Variants in ADAMTSL1 observed in about 807,000 individuals in gnomAD.
ADAMTSL1 encodes the protein ADAMTS-like protein 1.
A neutral mutation model predicts 201.8 loss-of-function variants in ADAMTSL1; 126 were observed. That is an observed-to-expected ratio of 0.62 (90% CI 0.54 to 0.72). The LOEUF (loss-of-function observed/expected upper bound fraction) is 0.72, where lower values mean the gene tolerates loss of function less well. Among genes scored for constraint, ADAMTSL1 ranks in the 30% least tolerant of loss-of-function variants. The probability of loss-of-function intolerance (pLI) is 0.00; values close to 1 mark genes in which losing one functional copy is unlikely to be tolerated. For synonymous variants in ADAMTSL1, 1,121 were observed against 903.4 expected, an observed-to-expected ratio of 1.24 and a Z score of -4.32; for missense variants, 2,679 against 2,277.8, an observed-to-expected ratio of 1.18 and a Z score of -3.59.
chr9:18,317,980 C>G (rs1230167598), intron 2 of ADAMTSL1, among the ~76,000 whole-genome samples: 1 of 152,154 alleles, frequency 6.6e-6, no homozygotes, highest in African/African-American at 2.4e-5. Context: ...TCTGGCTCTG[C>G]CCCTTAGCAG....
chr9:18,282,914 G>T (rs112683574), intron 2 of ADAMTSL1, among the ~76,000 whole-genome samples: 1 of 152,084 alleles, frequency 6.6e-6, no homozygotes, highest in Admixed American at 6.5e-5. Context: ...GAAAAGAAAA[G>T]AATATGTGTT....
In ADAMTSL1 at chr9:18,744,871, A is replaced by G. The variant is rs145071344; in HGVS notation, c.2007-8427A>G. On this transcript the variant is annotated intron_variant, in intron 15 of 28. Transcript: ENST00000380548. ...AAGAGTACAGGTCAGTTACTTTGTA[A>G]AACGTCTCTCCATGTGTGTTTGCTT... Among the ~76,000 whole-genome samples the G allele has an allele frequency of 2.6e-5, 4 of 152,318 alleles. No homozygotes were observed. In the East Asian group the frequency reaches 5.8e-4, roughly 22 times the overall value.
chr9:18,124,077 GTTTTT>G (rs1157492042), intron 1 of ADAMTSL1, among the ~76,000 whole-genome samples: 3 of 70,836 alleles, frequency 4.2e-5, no homozygotes, highest in African/African-American at 1.8e-4. Flanking sequence ...TTATTTGCCA[GTTTTT>G]TTTTTTTTTT....
chr9:18,524,121 G>A (rs1246383666), intron 2 of ADAMTSL1, among the ~76,000 whole-genome samples: 3 of 151,632 alleles, frequency 2.0e-5, no homozygotes, highest in Non-Finnish European at 2.9e-5. Context: ...ATTTCCTCGA[G>A]CAGTGGTTTA....
rs558435704 is a variant in ADAMTSL1, at chr9:18,842,739, T to C, written c.4249+12762T>C. ...TGCTCCCATATTGGGTGCATATATA[T>C]TTAGGATAGTTAGCTCTTCTTGTTG... On this transcript the variant is annotated intron_variant, in intron 23 of 28. Coordinates refer to ENST00000380548, the MANE Select transcript of ADAMTSL1 (RefSeq NM_001040272.6). Among the ~76,000 whole-genome samples, 465 of 152,338 alleles carry C rather than the reference T, an allele frequency of 3.1e-3. 3 individuals carry two copies. The highest frequency in any genetic ancestry group is 0.01 in the African/African-American group (425 of 41,564).
intron 1 of ADAMTSL1, among the ~76,000 whole-genome samples, chr9:18,479,874 G>A (rs376140029): frequency 7.9e-5 from 12 of 152,302 alleles, no homozygotes; most frequent in East Asian, 1.9e-4. Context: ...CATGTGAAGC[G>A]TTTCACTATT....
At chr9:18,008,770 C>G (rs150107984) in intron 1 of ADAMTSL1, among the ~76,000 whole-genome samples, 169 of 152,096 alleles carry the variant, frequency 1.1e-3, no homozygotes, top group African/African-American at 4.0e-3. Context: ...ATGACCTCAT[C>G]TACCTACAAG....
At chr9:18,651,049 A>G (rs986546478) in intron 7 of ADAMTSL1, 60 of 152,236 alleles carry the variant, frequency 3.9e-4, no homozygotes, top group African/African-American at 1.4e-3. Context: ...TATCTAAACA[A>G]CAGCAGGAAG....
rs565710415 is a variant in ADAMTSL1, at chr9:18,347,930, C to A, written c.208-156899C>A. Among the ~76,000 whole-genome samples the A allele has an allele frequency of 3.5e-4, 54 of 152,204 alleles. 1 individual carries two copies. Among genetic ancestry groups the A allele is most frequent in the Middle Eastern group, 3.4e-3 (1 of 294 alleles). On this transcript the variant is annotated intron_variant, in intron 2 of 29. Coordinates refer to the ADAMTSL1 transcript ENST00000680146. ...CCTTGTGTTTCTTAACAGAGGTGAC[C>A]TGGAAAGATTCCAAAAACAAGATGA...
intron 12 of ADAMTSL1, among the ~76,000 whole-genome samples, chr9:18,683,293 C>G (rs1307028943): frequency 6.7e-6 from 1 of 148,902 alleles, no homozygotes; most frequent in Non-Finnish European, 1.5e-5. Context: ...GGCGTGATCT[C>G]GGCTCACTGC....
At chr9:18,191,644 T>C (rs1587275179) in intron 2 of ADAMTSL1, among the ~76,000 whole-genome samples, 1 of 152,304 alleles carries the variant, frequency 6.6e-6, no homozygotes, top group East Asian at 1.9e-4. Flanking sequence ...ATTACCAGCT[T>C]AAAGTTCACA....
At chr9:18,822,372 C>G (rs1824263254) in intron 21 of ADAMTSL1, among the ~76,000 whole-genome samples, 1 of 152,198 alleles carries the variant, frequency 6.6e-6, no homozygotes, top group African/African-American at 2.4e-5. Flanking sequence ...ACAACCACAG[C>G]AGAAACATTA....
At chr9:18,164,305 G>GA (rs1482888595) in intron 2 of ADAMTSL1, among the ~76,000 whole-genome samples, 3 of 151,918 alleles carry the variant, frequency 2.0e-5, no homozygotes, top group Non-Finnish European at 4.4e-5. Flanking sequence ...ATAAGTGAAG[G>GA]AATAAGGAGA....
At chr9:17,913,217 T>G (rs1467100505) in intron 1 of ADAMTSL1, among the ~76,000 whole-genome samples, 1 of 152,170 alleles carries the variant, frequency 6.6e-6, no homozygotes, top group African/African-American at 2.4e-5. Context: ...AAGTAGTTTT[T>G]TCCAATTCTG....
chr9:18,486,877 C>T (rs534545046), intron 1 of ADAMTSL1, among the ~76,000 whole-genome samples: 12 of 152,284 alleles, frequency 7.9e-5, no homozygotes, highest in East Asian at 1.9e-4. Flanking sequence ...CACCAAATAG[C>T]GTCCTACTCC....
At chr9:17,990,603 T>C (rs952208351) in intron 1 of ADAMTSL1, among the ~76,000 whole-genome samples, 3 of 152,156 alleles carry the variant, frequency 2.0e-5, no homozygotes, top group African/African-American at 7.2e-5. Context: ...GAGCTCATTA[T>C]ACTTAATTTC....
At position 18,082,901 on chromosome 9, in the gene ADAMTSL1, A is replaced by G. The variant is rs564618854; in HGVS notation, c.88-80961A>G. Among the ~76,000 whole-genome samples, 6 of 152,370 alleles carry G rather than the reference A, an allele frequency of 3.9e-5. No homozygotes were observed. In the South Asian group the frequency reaches 1.2e-3, roughly 32 times the overall value. ...AACATTATGAGAAGCAGAATAGGAA[A>G]ACCCATAATTAGAAGTCAAAACGAT... On this transcript the variant is annotated intron_variant, in intron 1 of 29. Coordinates refer to the ADAMTSL1 transcript ENST00000680146.
At chr9:18,722,403 A>C (rs762272936) in intron 15 of ADAMTSL1, among the ~76,000 whole-genome samples, 1 of 152,240 alleles carries the variant, frequency 6.6e-6, no homozygotes, top group Non-Finnish European at 1.5e-5. Context: ...TGGAATGAAG[A>C]AATGTTGCTG....
chr9:18,415,961 C>G (rs1000781548), intron 2 of ADAMTSL1, among the ~76,000 whole-genome samples: 5 of 151,888 alleles, frequency 3.3e-5, no homozygotes, highest in Non-Finnish European at 5.9e-5. Context: ...GAATATCTCT[C>G]GCAAATGTAG....
Sources: gnomAD v4.1 joint callset for allele counts (sites outside exome capture counted in the v4.1 genomes callset) on GRCh38, gnomAD v4.1.1 for gene constraint, MANE v1.5 for transcripts, NCBI Gene and HGNC (gene_info 2026-07-23, HGNC 2026-07-21) for gene names.